DNAH12: variants seen among roughly 807,000 people sequenced by gnomAD.
The protein encoded by DNAH12 is axonemal beta dynein heavy chain 12.
A neutral mutation model predicts 371.5 loss-of-function variants in DNAH12; 285 were observed. The ratio of observed to expected loss-of-function variants is 0.77; its 90% CI spans 0.70 to 0.85. The LOEUF (loss-of-function observed/expected upper bound fraction) is 0.85, where lower values mean the gene tolerates loss of function less well. Among genes scored for constraint, DNAH12 ranks in the 40% least tolerant of loss-of-function variants. DNAH12 has a pLI of 0.00. For synonymous variants in DNAH12, 1,200 were observed against 1,213.0 expected, an observed-to-expected ratio of 0.99 and a Z score of 0.22; for missense variants, 3,611 against 3,689.4, an observed-to-expected ratio of 0.98 and a Z score of 0.55.
At chr3:57,470,062 G>A (rs1188247677) in intron 16 of DNAH12, among the ~76,000 whole-genome samples, 3 of 152,070 alleles carry the variant, frequency 2.0e-5, no homozygotes, top group African/African-American at 4.8e-5. Flanking sequence ...AAACATTAGT[G>A]AAATTAATCT....
At chr3:57,542,207 C>CA (rs1334455303) in intron 2 of DNAH12, among the ~76,000 whole-genome samples, 1 of 146,964 alleles carries the variant, frequency 6.8e-6, no homozygotes, top group African/African-American at 2.5e-5. Flanking sequence ...CCTTTTGTAG[C>CA]AAAAAAATTT....
chr3:57,519,861 G>A (rs1243160299), intron 4 of DNAH12: 2 of 994,542 alleles, frequency 2.0e-6, no homozygotes, highest in Non-Finnish European at 3.3e-6. Context: ...TGCAGATGGC[G>A]CACATATCTC....
chr3:57,504,656 G>C (rs892458099), intron 8 of DNAH12, among the ~76,000 whole-genome samples: 1 of 152,148 alleles, frequency 6.6e-6, no homozygotes, highest in Non-Finnish European at 1.5e-5. Flanking sequence ...GAGATATTCT[G>C]ATACAGGAAT....
intron 11 of DNAH12, among the ~76,000 whole-genome samples, chr3:57,492,018 C>T (rs190857143): frequency 1.5e-4 from 23 of 151,548 alleles, no homozygotes; most frequent in East Asian, 9.7e-4. Context: ...AAAAATTAGA[C>T]GGGCATGGTG....
intron 65 of DNAH12, among the ~76,000 whole-genome samples, 158 bp from the exon 66 acceptor site, chr3:57,314,789 TATAA>T (rs1319516290): frequency 6.6e-6 from 1 of 152,190 alleles, no homozygotes; most frequent in African/African-American, 2.4e-5. Flanking sequence ...TAATACTTAC[TATAA>T]ATAGTATTCA....
intron 25 of DNAH12, among the ~76,000 whole-genome samples, chr3:57,449,399 G>T (rs2153372252): frequency 6.6e-6 from 1 of 152,326 alleles, no homozygotes; most frequent in Middle Eastern, 3.4e-3. Flanking sequence ...AGCAGGGGGT[G>T]GTGCTCCTCA....
chr3:57,380,421 G>A (rs1278216452), intron 50 of DNAH12, 54 bp from the exon 51 acceptor site: 1 of 152,136 alleles, frequency 6.6e-6, no homozygotes, highest in East Asian at 1.9e-4. Context: ...AATGCTAGAT[G>A]CAAAATTTTT....
chr3:57,334,995 T>A (rs2062189554), intron 60 of DNAH12, 55 bp from the exon 61 acceptor site: 1 of 1,497,698 alleles, frequency 6.7e-7, no homozygotes. Flanking sequence ...AATTGAATGA[T>A]GTCAACTTCC....
At chr3:57,436,561 G>C (rs2065131556) in intron 30 of DNAH12, among the ~76,000 whole-genome samples, 1 of 152,168 alleles carries the variant, frequency 6.6e-6, no homozygotes, top group African/African-American at 2.4e-5. Flanking sequence ...GTCTTTCTAG[G>C]TTGTAGGTCT....
chr3:57,438,727 T>C (rs1218848878), intron 29 of DNAH12, among the ~76,000 whole-genome samples: 1 of 150,902 alleles, frequency 6.6e-6, no homozygotes. Flanking sequence ...CCGAGGTGGG[T>C]GGATCATTTG....
intron 2 of DNAH12, among the ~76,000 whole-genome samples, chr3:57,532,038 C>T (rs1332632205): frequency 6.6e-6 from 1 of 151,762 alleles, no homozygotes; most frequent in Non-Finnish European, 1.5e-5. Flanking sequence ...TCTTTTTTGT[C>T]TCCTTTATGT....
At chr3:57,555,062 A>AT in the DNAH12 span, among the ~76,000 whole-genome samples, 1 of 151,944 alleles carries the variant, frequency 6.6e-6, no homozygotes, top group Non-Finnish European at 1.5e-5. Context: ...CCCAGGAAAC[A>AT]TGGTGAAGCC....
At chr3:57,427,151 T>TGTGTGTGTGTGTGTGTG (rs2064801430) in intron 34 of DNAH12, among the ~76,000 whole-genome samples, 1 of 151,258 alleles carries the variant, frequency 6.6e-6, no homozygotes, top group African/African-American at 2.4e-5. Context: ...TGTGTGTGTG[T>TGTGTGTGTGTGTGTGTG]GTGTGTGTGT....
At chr3:57,306,239 G>A (rs1385520808) in intron 69 of DNAH12, among the ~76,000 whole-genome samples, 4 of 152,024 alleles carry the variant, frequency 2.6e-5, no homozygotes, top group Non-Finnish European at 5.9e-5. Flanking sequence ...AGGTAAGTCC[G>A]TCCCCTTCTT....
upstream of DNAH12, chr3:57,549,021 A>G (rs1244643853): frequency 1.3e-5 from 2 of 152,112 alleles, no homozygotes; most frequent in African/African-American, 4.8e-5. Context: ...AATAATGAAA[A>G]GATCTAACAA....
chr3:57,433,831 A>G lies in DNAH12; in HGVS notation c.4656-3T>C, dbSNP rs1371731031. On this transcript the variant is annotated splice_region_variant and splice_polypyrimidine_tract_variant and intron_variant, in intron 30 of 73. Transcript: ENST00000495027. Reference sequence around the variant, plus strand: ...AAGGCTCTCCTACTAACATAAAACTATGAAGGAAAAGAAATAATTATACAA... The same window carrying G: ...AAGGCTCTCCTACTAACATAAAACTGTGAAGGAAAAGAAATAATTATACAA... 3 of 1,518,814 alleles carry G rather than the reference A, an allele frequency of 2.0e-6. No homozygotes were observed. Among genetic ancestry groups the G allele is most frequent in the Non-Finnish European group, 2.6e-6 (3 of 1,137,196 alleles). The allele number at this position is 1,518,814 out of a possible 1,614,324, so 94.1% of individuals were successfully genotyped here. A position where few individuals can be genotyped will look rare whatever the true frequency, so the allele number is the denominator to read the frequency against.
At chr3:57,481,909 C>T (rs550190627) in intron 13 of DNAH12, among the ~76,000 whole-genome samples, 1 of 152,244 alleles carries the variant, frequency 6.6e-6, no homozygotes, top group Non-Finnish European at 1.5e-5. Flanking sequence ...ACACCTCATA[C>T]AAAAACTAAT....
chr3:57,487,284 GAAGA>G (rs2066951023), intron 12 of DNAH12, among the ~76,000 whole-genome samples: 1 of 78,370 alleles, frequency 1.3e-5, no homozygotes, highest in East Asian at 3.5e-4. Context: ...AGAAAAGAAG[GAAGA>G]AAGGAAGGAA....
chr3:57,384,715 G>T (rs1054833930), intron 49 of DNAH12, 114 bp downstream of exon 49: 1 of 152,120 alleles, frequency 6.6e-6, no homozygotes, highest in African/African-American at 2.4e-5. Context: ...CATTTGACTG[G>T]ACAAAAACAA....
Sources: gnomAD v4.1 joint callset for allele counts (sites outside exome capture counted in the v4.1 genomes callset) on GRCh38, gnomAD v4.1.1 for gene constraint, MANE v1.5 for transcripts, NCBI Gene and HGNC (gene_info 2026-07-23, HGNC 2026-07-21) for gene names.